The following DDAH1 variants were observed in gnomAD, a reference collection of about 807,000 sequenced individuals.
The protein encoded by DDAH1 is N(G),N(G)-dimethylarginine dimethylaminohydrolase 1.
Under a neutral mutation model 28.8 loss-of-function variants are expected in DDAH1, and 19 were observed. That is an observed-to-expected ratio of 0.66 (90% CI 0.46 to 0.97). DDAH1 has a LOEUF of 0.97. Among genes scored for constraint, DDAH1 ranks in the 50% least tolerant of loss-of-function variants. The probability of loss-of-function intolerance (pLI) is 0.00; values close to 1 mark genes in which losing one functional copy is unlikely to be tolerated. For synonymous variants in DDAH1, 153 were observed against 154.4 expected (o/e 0.99, Z 0.07); for missense variants, 326 against 375.9 (o/e 0.87, Z 1.10).
intron 4 of DDAH1, among the ~76,000 whole-genome samples, chr1:85,342,645 A>C (rs1426696405): frequency 1.3e-5 from 2 of 152,198 alleles, no homozygotes; most frequent in Non-Finnish European, 2.9e-5. Context: ...CTATGGCTTT[A>C]ATTTGAATAC....
chr1:85,333,854 G>A (rs1267540692), intron 4 of DDAH1, among the ~76,000 whole-genome samples: 2 of 152,200 alleles, frequency 1.3e-5, no homozygotes, highest in Non-Finnish European at 2.9e-5. Context: ...GAAGTTTAAT[G>A]GCATAGAAAA....
At chr1:85,525,321 T>C (rs1460005831) in intron 1 of DDAH1, among the ~76,000 whole-genome samples, 3 of 152,108 alleles carry the variant, frequency 2.0e-5, no homozygotes, top group Non-Finnish European at 4.4e-5. Flanking sequence ...TATCTACATA[T>C]TCTTCTCTCC....
At chr1:85,546,489 CATT>C (rs1363440882) in intron 1 of DDAH1, among the ~76,000 whole-genome samples, 1 of 152,170 alleles carries the variant, frequency 6.6e-6, no homozygotes, top group Non-Finnish European at 1.5e-5. Context: ...TGAACTAAGA[CATT>C]ATTGTTGGCT....
At chr1:85,415,318 C>T (rs962227924) in intron 1 of DDAH1, among the ~76,000 whole-genome samples, 8 of 152,060 alleles carry the variant, frequency 5.3e-5, no homozygotes, top group Non-Finnish European at 8.8e-5. Flanking sequence ...CCTGGCCAAG[C>T]GGCACTTTTA....
intron 1 of DDAH1, among the ~76,000 whole-genome samples, chr1:85,449,552 G>T (rs1038144980): frequency 2.6e-5 from 4 of 152,144 alleles, no homozygotes; most frequent in Non-Finnish European, 5.9e-5. Flanking sequence ...TCCAGGGCTT[G>T]GAAGGGGGCC....
intron 1 of DDAH1, chr1:85,404,461 G>A (rs1652309468): frequency 2.6e-6 from 4 of 1,529,232 alleles, no homozygotes; most frequent in Admixed American, 4.0e-5. Flanking sequence ...CAGATTCCCT[G>A]TTTTAACATC....
upstream of DDAH1, among the ~76,000 whole-genome samples, chr1:85,466,852 T>TTTTTTTTTTTTTTTC (rs1655403245): frequency 7.7e-6 from 1 of 130,702 alleles, no homozygotes; most frequent in African/African-American, 2.8e-5. Flanking sequence ...TTTTTTTTTT[T>TTTTTTTTTTTTTTTC]TTGAGATGGA....
At chr1:85,575,212 C>A (rs1659568589) in intron 1 of DDAH1, among the ~76,000 whole-genome samples, 1 of 152,166 alleles carries the variant, frequency 6.6e-6, no homozygotes, top group South Asian at 2.1e-4. Flanking sequence ...GCCTGGGTGA[C>A]AGAACCAGAC....
At chr1:85,412,282 C>T (rs1450731369) in intron 1 of DDAH1, among the ~76,000 whole-genome samples, 2 of 152,148 alleles carry the variant, frequency 1.3e-5, no homozygotes, top group African/African-American at 4.8e-5. Flanking sequence ...TGTTAAGTGA[C>T]ACAAATGAAC....
intron 2 of DDAH1, among the ~76,000 whole-genome samples, chr1:85,488,880 G>A (rs1010772904): frequency 6.6e-6 from 1 of 152,170 alleles, no homozygotes; most frequent in Non-Finnish European, 1.5e-5. Context: ...ATATTCATTA[G>A]CATGTCATTA....
chr1:85,475,254 T>C (rs1204376648), intron 2 of DDAH1, among the ~76,000 whole-genome samples: 2 of 152,330 alleles, frequency 1.3e-5, no homozygotes, highest in African/African-American at 2.4e-5. Context: ...AGATGATCCA[T>C]GTAAAGCTTT....
chr1:85,465,146 C>T lies in DDAH1; in HGVS notation c.-101G>A. 8.6e-7 allele frequency: 1 copy of T among 1,160,958 alleles called. No homozygotes were observed. Among genetic ancestry groups the T allele is most frequent in the Non-Finnish European group, 1.1e-6 (1 of 943,298 alleles). The allele number at this position is 1,160,958 out of a possible 1,614,324, so 71.9% of individuals were successfully genotyped here. ...GCGAGCGCCCGTCGGCTCCTCTTGG[C>T]AGCCGCTGAATGTGGTGCAGAAGGA... is the stretch of plus-strand genomic sequence containing the variant. On this transcript the variant is annotated 5_prime_UTR_variant, in exon 1 of 6. Transcript: ENST00000284031.
chr1:85,351,241 C>T (rs935241763), intron 3 of DDAH1, among the ~76,000 whole-genome samples: 2 of 151,954 alleles, frequency 1.3e-5, no homozygotes, highest in Non-Finnish European at 2.9e-5. Flanking sequence ...GAACATCTGC[C>T]AGGTGGTTGT....
chr1:85,462,625 T>C lies in DDAH1; in HGVS notation c.303+2118A>G, dbSNP rs138513726. On this transcript the variant is annotated intron_variant, in intron 1 of 5. Transcript: ENST00000284031. ...ATCATTCATTCATTCATCCACTCAC[T>C]CAACAAGCATTAACACCTACCAAGG... Among the ~76,000 whole-genome samples, 24 of 152,288 alleles carry C rather than the reference T, an allele frequency of 1.6e-4. 1 individual carries two copies. The East Asian group carries it at 4.6e-3, about 29-fold the overall frequency.
At chr1:85,483,838 G>A (rs555063288) in intron 2 of DDAH1, among the ~76,000 whole-genome samples, 2 of 152,186 alleles carry the variant, frequency 1.3e-5, no homozygotes, top group African/African-American at 2.4e-5. Flanking sequence ...CCCAACACTC[G>A]CTCTGATTGT....
In DDAH1 at chr1:85,432,849, G is replaced by A. The variant is rs74396312; in HGVS notation, c.303+31894C>T. Among the ~76,000 whole-genome samples the A allele has an allele frequency of 4.8e-3, 733 of 152,262 alleles. 2 individuals carry two copies. Among genetic ancestry groups the A allele is most frequent in the African/African-American group, 0.017 (688 of 41,554 alleles). ...CAGCATCTTGAAGGCATAGCATGGT[G>A]AAAGCAAATTAGGGGCATGAACTGA... On this transcript the variant is annotated intron_variant, in intron 1 of 5. Coordinates refer to ENST00000284031, the MANE Select transcript of DDAH1 (RefSeq NM_012137.4).
rs60305234 is a variant in DDAH1 at position 85,325,608 on chromosome 1, G to GA, written c.598-726dup. On this transcript the variant is annotated intron_variant, in intron 4 of 5. Coordinates refer to ENST00000284031, the MANE Select transcript of DDAH1 (RefSeq NM_012137.4). ...AGGTTCCCTGGACCACAACTGGAGA[G>GA]AAAAAAAAAAAAACCTACTTGGCAG... is the stretch of plus-strand genomic sequence containing the variant. Among the ~76,000 whole-genome samples, 747 of 136,582 alleles carry GA rather than the reference G, an allele frequency of 5.5e-3. 2 individuals are homozygous for GA. Among genetic ancestry groups the GA allele is most frequent in the African/African-American group, 0.014 (504 of 36,932 alleles). 89.6% of individuals were successfully genotyped at this position (136,582 alleles called of 152,430 possible).
In DDAH1 at chr1:85,477,462, C is replaced by G. The variant is rs150208298; in HGVS notation, c.-7+18704G>C. Among the ~76,000 whole-genome samples the G allele has an allele frequency of 1.9e-3, 285 of 152,168 alleles. 4 individuals are homozygous for G. In the South Asian group the frequency reaches 0.022, roughly 12 times the overall value. ...GAACCATGCAGATTCAGAGAAGTCA[C>G]CATTGAAAACCACCCGAAGAAAACA... On this transcript the variant is annotated intron_variant, in intron 2 of 6. Transcript: ENST00000426972.
At chr1:85,567,961 A>G (rs1322922712) in intron 1 of DDAH1, among the ~76,000 whole-genome samples, 1 of 152,204 alleles carries the variant, frequency 6.6e-6, no homozygotes, top group East Asian at 1.9e-4. Context: ...GAAGTATAAA[A>G]GAATTCAAGT....
Sources: allele counts gnomAD v4.1 joint callset (sites outside exome capture counted in the v4.1 genomes callset), GRCh38; gene constraint gnomAD v4.1.1; transcripts MANE v1.5; gene names NCBI Gene and HGNC (gene_info 2026-07-23, HGNC 2026-07-21).